The following IFTAP variants were observed in gnomAD, a reference collection of about 807,000 sequenced individuals.
IFTAP encodes intraflagellar transport associated protein.
Under a neutral mutation model 19.4 loss-of-function variants are expected in IFTAP, and 19 were observed. The ratio of observed to expected loss-of-function variants is 0.98; its 90% CI spans 0.68 to 1.44. The LOEUF (loss-of-function observed/expected upper bound fraction) is 1.44, where lower values mean the gene tolerates loss of function less well. Ranked by LOEUF, IFTAP falls within the 40% of genes most tolerant of loss-of-function variation. The probability of loss-of-function intolerance (pLI) is 0.00; values close to 1 mark genes in which losing one functional copy is unlikely to be tolerated. For synonymous variants in IFTAP, 85 were observed against 83.5 expected (o/e 1.02, Z -0.10); for missense variants, 240 against 253.6 (o/e 0.95, Z 0.36).
chr11:36,612,766 G>A (rs1412505493), intron 2 of IFTAP, among the ~76,000 whole-genome samples: 1 of 151,904 alleles, frequency 6.6e-6, no homozygotes, highest in African/African-American at 2.4e-5. Context: ...AATGCTTATG[G>A]GATTCATTTT....
intron 2 of IFTAP, among the ~76,000 whole-genome samples, chr11:36,612,144 G>C (rs1228712015): frequency 1.3e-5 from 2 of 151,990 alleles, no homozygotes; most frequent in African/African-American, 4.8e-5. Context: ...TCGAATTCCA[G>C]TATGATCATT....
intron 5 of IFTAP, among the ~76,000 whole-genome samples, chr11:36,656,510 C>T (rs1853995232): frequency 6.6e-6 from 1 of 152,002 alleles, no homozygotes; most frequent in Admixed American, 6.5e-5. Flanking sequence ...GCGGAGGTTG[C>T]AGTGAGCTGA....
At chr11:36,646,522 T>C (rs1461415036) in intron 4 of IFTAP, among the ~76,000 whole-genome samples, 1 of 152,194 alleles carries the variant, frequency 6.6e-6, no homozygotes, top group East Asian at 1.9e-4. Flanking sequence ...GAAATGTACT[T>C]AATGTTGCCT....
rs550226149 is a variant in IFTAP at position 36,635,123 on chromosome 11, G to A, written c.292-928G>A. Reference sequence around the variant, plus strand: ...ATTCCTATGTAATAGCTATGGTCTCGCAAGTAGAGCTGGGGGAAGAAAGAC... The same window carrying A: ...ATTCCTATGTAATAGCTATGGTCTCACAAGTAGAGCTGGGGGAAGAAAGAC... On this transcript the variant is annotated intron_variant, in intron 3 of 5. Transcript: ENST00000334307. 2.7e-4 allele frequency among the ~76,000 whole-genome samples: 41 copies of A among 152,194 alleles called. No homozygotes were observed. In the East Asian group the frequency reaches 5.6e-3, roughly 21 times the overall value.
rs532849019 is a variant in IFTAP, at chr11:36,629,680, T to G, written c.137-3604T>G. Among the ~76,000 whole-genome samples the G allele has an allele frequency of 4.9e-4, 74 of 151,572 alleles. 8 individuals are homozygous for G. The highest frequency in any genetic ancestry group is 1.8e-3 in the African/African-American group (73 of 40,854). The stretch of plus-strand genomic sequence containing the variant: ...GGTTAGTGTTTAATTTATCAAGACA[T>G]CAAAAGTTTCAACCTTTTCAAGGTG... On this transcript the variant is annotated intron_variant, in intron 2 of 5. Coordinates refer to ENST00000334307, the MANE Select transcript of IFTAP (RefSeq NM_138787.4).
intron 2 of IFTAP, among the ~76,000 whole-genome samples, chr11:36,620,005 G>A (rs1320001944): frequency 1.3e-5 from 2 of 151,832 alleles, no homozygotes; most frequent in East Asian, 1.9e-4. Context: ...TGCAGAAGAC[G>A]TCATATAAGG....
intron 4 of IFTAP, among the ~76,000 whole-genome samples, chr11:36,645,619 T>C (rs1450601683): frequency 6.6e-6 from 1 of 152,164 alleles, no homozygotes; most frequent in African/African-American, 2.4e-5. Flanking sequence ...CCACCCACGA[T>C]TGTAAAAGGC....
At chr11:36,619,470 A>T (rs1852218896) in intron 2 of IFTAP, among the ~76,000 whole-genome samples, 1 of 152,074 alleles carries the variant, frequency 6.6e-6, no homozygotes, top group South Asian at 2.1e-4. Context: ...AAAAATATAG[A>T]AAGCAGCTGT....
intron 1 of IFTAP, chr11:36,595,004 A>G (rs1281516360): frequency 6.6e-6 from 1 of 152,236 alleles, no homozygotes; most frequent in African/African-American, 2.4e-5. Context: ...TTGAATCCCT[A>G]GAGTGCAGGG....
chr11:36,606,610 C>T (rs1278774920), intron 1 of IFTAP, among the ~76,000 whole-genome samples: 6 of 151,616 alleles, frequency 4.0e-5, no homozygotes, highest in Non-Finnish European at 7.4e-5. Flanking sequence ...TCAAAATATG[C>T]CAGTTTAAGA....
At chr11:36,602,182 T>C (rs1239730674) in intron 1 of IFTAP, among the ~76,000 whole-genome samples, 1 of 152,218 alleles carries the variant, frequency 6.6e-6, no homozygotes, top group Non-Finnish European at 1.5e-5. Flanking sequence ...AAAATCTTAC[T>C]TCTTTTAAGA....
rs186526551 is a variant in IFTAP at position 36,634,187 on chromosome 11, G to A, written c.291+749G>A. On this transcript the variant is annotated intron_variant, in intron 3 of 5. Transcript: ENST00000334307. ...TTTTCACTCTTTACTGGCAATGACT[G>A]ACCATTGGGATTATATTATATAGAG... Among the ~76,000 whole-genome samples the A allele has an allele frequency of 2.0e-5, 3 of 152,224 alleles. 1 individual carries two copies. In the East Asian group the frequency reaches 5.8e-4, roughly 29 times the overall value.
intron 4 of IFTAP, among the ~76,000 whole-genome samples, chr11:36,644,562 T>C (rs1039919846): frequency 5.9e-5 from 9 of 152,194 alleles, no homozygotes; most frequent in South Asian, 2.1e-4. Context: ...ATGTTCATTG[T>C]GGCACTATTC....
At chr11:36,625,364 G>A (rs889090531) in intron 2 of IFTAP, among the ~76,000 whole-genome samples, 2 of 151,922 alleles carry the variant, frequency 1.3e-5, no homozygotes, top group African/African-American at 4.8e-5. Context: ...TTTTATGAAA[G>A]TGGGCTTATG....
chr11:36,651,278 G>T (rs1484499146), intron 5 of IFTAP, among the ~76,000 whole-genome samples: 1 of 152,132 alleles, frequency 6.6e-6, no homozygotes, highest in East Asian at 1.9e-4. Context: ...TCTCATTGTG[G>T]TTTTGATTTG....
intron 2 of IFTAP, among the ~76,000 whole-genome samples, chr11:36,623,232 A>G (rs1346776390): frequency 6.6e-6 from 1 of 151,992 alleles, no homozygotes; most frequent in Non-Finnish European, 1.5e-5. Context: ...TTGAGAAAAT[A>G]CTCTAAATGA....
intron 2 of IFTAP, among the ~76,000 whole-genome samples, chr11:36,629,024 G>A (rs555425085): frequency 6.6e-6 from 1 of 151,454 alleles, no homozygotes; most frequent in East Asian, 1.9e-4. Context: ...GCCGAATTTA[G>A]CTTCTTTGGA....
intron 1 of IFTAP, among the ~76,000 whole-genome samples, chr11:36,596,829 T>G (rs1198975909): frequency 6.6e-6 from 1 of 152,244 alleles, no homozygotes; most frequent in Non-Finnish European, 1.5e-5. Flanking sequence ...TTAAGGTTGC[T>G]GTAGGAATTG....
intron 1 of IFTAP, among the ~76,000 whole-genome samples, chr11:36,607,279 A>G (rs1306319062): frequency 1.3e-5 from 2 of 152,162 alleles, no homozygotes; most frequent in Non-Finnish European, 2.9e-5. Flanking sequence ...TTGAGATGCC[A>G]TGCGTACTCG....
Sources: allele counts gnomAD v4.1 joint callset (sites outside exome capture counted in the v4.1 genomes callset), GRCh38; gene constraint gnomAD v4.1.1; transcripts MANE v1.5; gene names NCBI Gene and HGNC (gene_info 2026-07-23, HGNC 2026-07-21).